Variants in DPP8 observed in about 807,000 individuals in gnomAD.
The protein encoded by DPP8 is DPP VIII.
Under a neutral mutation model 107.5 loss-of-function variants are expected in DPP8, and 31 were observed. The observed-to-expected ratio is 0.29, with a 90% CI of 0.22 to 0.39. The LOEUF (loss-of-function observed/expected upper bound fraction) is 0.39. Ranked by LOEUF, DPP8 falls within the 10% of genes least tolerant of loss-of-function variation. The probability of loss-of-function intolerance (pLI) is 1.00; values close to 1 mark genes in which losing one functional copy is unlikely to be tolerated. For missense variants in DPP8, 842 were observed against 1,076.1 expected, an observed-to-expected ratio of 0.78 and a Z score of 3.04; for synonymous variants, 381 against 356.6, an observed-to-expected ratio of 1.07 and a Z score of -0.77.
At chr15:65,492,846 C>T (rs2068180398) in intron 5 of DPP8, among the ~76,000 whole-genome samples, 1 of 152,136 alleles carries the variant, frequency 6.6e-6, no homozygotes, top group South Asian at 2.1e-4. Flanking sequence ...AATCCTCTCA[C>T]CTTGGCCCCC....
chr15:65,485,196 C>G (rs779364937), intron 7 of DPP8, 36 bp from the exon 8 acceptor site: 65 of 1,464,752 alleles, frequency 4.4e-5, no homozygotes, highest in Middle Eastern at 1.7e-4. Flanking sequence ...TAATGTTTAT[C>G]CAAAATTACT....
intron 13 of DPP8, 58 bp downstream of exon 13, chr15:65,467,013 A>G: frequency 1.9e-6 from 3 of 1,592,202 alleles, no homozygotes; most frequent in Non-Finnish European, 2.6e-6. Context: ...CAAAAGGAGT[A>G]TTACATAAGC....
intron 12 of DPP8, among the ~76,000 whole-genome samples, chr15:65,471,317 T>C (rs2065876045): frequency 6.6e-6 from 1 of 152,132 alleles, no homozygotes; most frequent in South Asian, 2.1e-4. Context: ...AAATGAGACC[T>C]TAAAGGTCAG....
intron 14 of DPP8, among the ~76,000 whole-genome samples, chr15:65,464,694 AC>A (rs2065194710): frequency 6.6e-6 from 1 of 152,178 alleles, no homozygotes; most frequent in African/African-American, 2.4e-5. Context: ...TGTCTCGACA[AC>A]AACAAAAACC....
chr15:65,453,880 G>A (rs777155419), intron 17 of DPP8, among the ~76,000 whole-genome samples: 10 of 152,188 alleles, frequency 6.6e-5, no homozygotes, highest in Non-Finnish European at 1.0e-4. Flanking sequence ...GGCCAACGCA[G>A]GTGGATCTCT....
Position 65,463,875 on chromosome 15 carries a change from A to T in DPP8, c.1857T>A (p.Ile619=). 6.3e-7 allele frequency: 1 copy of T among 1,595,472 alleles called. No homozygotes were observed. The highest frequency in any genetic ancestry group is 8.5e-7 in the Non-Finnish European group (1 of 1,173,680). Residue 619 remains isoleucine, a synonymous_variant, in exon 15 of 20, where the codon ATT becomes ATA. Coordinates refer to ENST00000300141, the MANE Select transcript of DPP8 (RefSeq NM_130434.5). ...ATCCAGTAGTACTTTCAAAAGAGAA[A>T]ATTTCTGGAGGAGTATAGTCAGGAA... The part of the protein sequence containing the change: ...GPLPDYTPPE[I]FSFESTTGFT...
intron 11 of DPP8, chr15:65,475,336 C>A: frequency 8.5e-7 from 1 of 1,183,018 alleles, no homozygotes. Flanking sequence ...TGCCCCGAGC[C>A]AGCTTTATCT....
intron 3 of DPP8, among the ~76,000 whole-genome samples, chr15:65,504,189 C>T (rs111700662): frequency 6.0e-5 from 9 of 150,714 alleles, no homozygotes; most frequent in African/African-American, 1.7e-4. Context: ...ATGGAGAAAC[C>T]CCTTCTCTAA....
At chr15:65,515,064 G>C (rs1299872911) in intron 1 of DPP8, among the ~76,000 whole-genome samples, 1 of 152,062 alleles carries the variant, frequency 6.6e-6, no homozygotes, top group Non-Finnish European at 1.5e-5. Flanking sequence ...GTACAGCCTT[G>C]AACTCCTGGA....
rs902021608 is a variant in DPP8, at chr15:65,517,660, G to A, written c.-186C>T. On this transcript the variant is annotated 5_prime_UTR_variant, in exon 1 of 20. Transcript: ENST00000300141. ...AAGAAGCAGCGGCGGCAGTAGCAGC[G>A]GCCTTGGCCTCGGAGGCTTTAGCAC... 6.6e-6 allele frequency: 1 copy of A among 152,382 alleles called. No individual in the cohort carries two copies. The highest frequency in any genetic ancestry group is 1.5e-5 in the Non-Finnish European group (1 of 68,190). The allele number at this position is 152,382 out of a possible 1,614,324, so 9.4% of individuals were successfully genotyped here.
At chr15:65,479,140 T>C in intron 10 of DPP8, 101 bp from the exon 11 acceptor site, 1 of 777,978 alleles carries the variant, frequency 1.3e-6, no homozygotes, top group Non-Finnish European at 1.9e-6. Context: ...CTTTGAAATA[T>C]AAATAACCAT....
intron 8 of DPP8, among the ~76,000 whole-genome samples, chr15:65,484,488 A>ATTTATTTTAATTTATTTAAATTTAAATTT (rs2067219109): frequency 1.3e-5 from 2 of 152,052 alleles, no homozygotes; most frequent in Admixed American, 6.6e-5. Context: ...CTGAATTTTA[A>ATTTATTTTAATTTATTTAAATTTAAATTT]AGTTTAAATA....
intron 7 of DPP8, among the ~76,000 whole-genome samples, 168 bp downstream of exon 7, chr15:65,487,522 A>G (rs1402318881): frequency 6.6e-6 from 1 of 152,246 alleles, no homozygotes; most frequent in African/African-American, 2.4e-5. Context: ...AGAATCAAAA[A>G]GATCACCCTT....
At chr15:65,499,543 C>G (rs1256574041) in intron 4 of DPP8, among the ~76,000 whole-genome samples, 1 of 151,474 alleles carries the variant, frequency 6.6e-6, no homozygotes, top group Non-Finnish European at 1.5e-5. Context: ...TTCTATACAG[C>G]AAGTATTTTT....
intron 15 of DPP8, 121 bp from the exon 16 acceptor site, chr15:65,456,492 T>G (rs2064431826): frequency 1.5e-5 from 15 of 1,007,792 alleles, no homozygotes; most frequent in Non-Finnish European, 2.0e-5. Flanking sequence ...AAATGTAATT[T>G]TTTAAGTCAT....
intron 11 of DPP8, among the ~76,000 whole-genome samples, chr15:65,475,044 TTC>T (rs2066257086): frequency 6.6e-6 from 1 of 152,216 alleles, no homozygotes; most frequent in African/African-American, 2.4e-5. Flanking sequence ...TTCTGTTGAT[TTC>T]TCTTTTTCTT....
At chr15:65,488,541 G>T (rs2067661477) in intron 6 of DPP8, among the ~76,000 whole-genome samples, 1 of 133,556 alleles carries the variant, frequency 7.5e-6, no homozygotes, top group South Asian at 2.4e-4. Context: ...CCGGGAGGCA[G>T]ACTTTGCAGT....
chr15:65,454,831 G>GTT (rs143327271), intron 16 of DPP8, among the ~76,000 whole-genome samples: 2 of 151,928 alleles, frequency 1.3e-5, no homozygotes, highest in African/African-American at 4.8e-5. Context: ...GGCCCCGTAG[G>GTT]TTTTTTTAGA....
Position 65,494,021 on chromosome 15 carries a change from C to G in DPP8, c.716-3722G>C, listed in dbSNP as rs554451419. 1.4e-3 allele frequency among the ~76,000 whole-genome samples: 220 copies of G among 151,732 alleles called. 3 individuals carry two copies. The highest frequency in any genetic ancestry group is 5.3e-3 in the African/African-American group (216 of 41,066). On this transcript the variant is annotated intron_variant, in intron 5 of 19. Transcript: ENST00000300141. ...TAACTCATTAAAGCCTCCTAACAAC[C>G]CTATGTTGATGTGCTATTAATTAAT...
Sources: gnomAD v4.1 joint callset for allele counts (sites outside exome capture counted in the v4.1 genomes callset) on GRCh38, gnomAD v4.1.1 for gene constraint, MANE v1.5 for transcripts, NCBI Gene and HGNC (gene_info 2026-07-23, HGNC 2026-07-21) for gene names.